The following EPRS1 variants were observed in gnomAD, a reference collection of about 807,000 sequenced individuals.
The protein encoded by EPRS1 is glutamyl-prolyl-tRNA synthetase 1.
EPRS1 carries 107 observed loss-of-function variants against 188.3 expected under a neutral mutation model. The ratio of observed to expected loss-of-function variants is 0.57; its 90% CI spans 0.49 to 0.67. The LOEUF (loss-of-function observed/expected upper bound fraction) is 0.67. EPRS1 is among the 30% of genes least tolerant of loss of function. EPRS1 has a pLI of 0.00. For missense variants in EPRS1, 1,577 were observed against 1,802.2 expected, an observed-to-expected ratio of 0.88 and a Z score of 2.26; for synonymous variants, 596 against 593.1, an observed-to-expected ratio of 1.00 and a Z score of -0.07.
chr1:219,982,339 G>A (rs148140734), intron 23 of EPRS1, among the ~76,000 whole-genome samples: 205 of 152,188 alleles, frequency 1.3e-3, no homozygotes, highest in South Asian at 4.4e-3. Flanking sequence ...CAACACTGTT[G>A]TAAGAATAAC....
chr1:220,000,720 C>T (rs1661333634), intron 17 of EPRS1, among the ~76,000 whole-genome samples: 2 of 152,118 alleles, frequency 1.3e-5, no homozygotes, highest in African/African-American at 4.8e-5. Flanking sequence ...GTGACTCATG[C>T]CTATAATCCC....
At chr1:220,042,765 C>G (rs957343305) in intron 1 of EPRS1, among the ~76,000 whole-genome samples, 20 of 151,596 alleles carry the variant, frequency 1.3e-4, no homozygotes, top group African/African-American at 4.8e-4. Flanking sequence ...ACTAAAAATA[C>G]AAAAAATTAG....
chr1:220,008,241 A>G (rs1019795348), intron 13 of EPRS1, among the ~76,000 whole-genome samples: 3 of 152,142 alleles, frequency 2.0e-5, no homozygotes, highest in Non-Finnish European at 4.4e-5. Flanking sequence ...GCAGGAAATT[A>G]TGGACCTTTC....
chr1:219,986,093 G>A (rs139039948), intron 20 of EPRS1, among the ~76,000 whole-genome samples: 18 of 152,286 alleles, frequency 1.2e-4, no homozygotes, highest in African/African-American at 3.6e-4. Context: ...GAGACATTGT[G>A]TATATGACAT....
chr1:219,975,063 A>G (rs999651138), intron 28 of EPRS1, among the ~76,000 whole-genome samples: 3 of 152,248 alleles, frequency 2.0e-5, no homozygotes, highest in Admixed American at 1.3e-4. Context: ...AATGATAATG[A>G]AAGTCTGAGG....
chr1:219,991,384 C>T (rs1019059870), intron 18 of EPRS1, among the ~76,000 whole-genome samples: 4 of 152,086 alleles, frequency 2.6e-5, no homozygotes, highest in African/African-American at 9.7e-5. Flanking sequence ...CTCACCTTTG[C>T]TCCTTACTAG....
rs560025404 is a variant in EPRS1 at position 220,021,742 on chromosome 1, C to T, written c.1115+605G>A. 2.6e-5 allele frequency among the ~76,000 whole-genome samples: 4 copies of T among 152,304 alleles called. No individual in the cohort carries two copies. The East Asian group carries it at 7.7e-4, about 29-fold the overall frequency. ...ATGAGTTTAAAGTAAGTCACATCAG[C>T]TAACCAAGTAATCATTTACATTTAC... is the stretch of plus-strand genomic sequence containing the variant. On this transcript the variant is annotated intron_variant, in intron 9 of 31. Coordinates refer to ENST00000366923, the MANE Select transcript of EPRS1 (RefSeq NM_004446.3).
chr1:219,986,904 G>A (rs886119170), intron 20 of EPRS1, among the ~76,000 whole-genome samples: 5 of 152,126 alleles, frequency 3.3e-5, no homozygotes, highest in South Asian at 2.1e-4. Flanking sequence ...GGGGAAAACC[G>A]GAAAGATGGG....
intron 17 of EPRS1, among the ~76,000 whole-genome samples, chr1:219,997,829 G>C (rs1461007246): frequency 6.6e-6 from 1 of 152,040 alleles, no homozygotes; most frequent in Non-Finnish European, 1.5e-5. Context: ...ATAAGCATTA[G>C]GTATCACTAT....
At chr1:220,007,790 C>T (rs1661520773) in intron 13 of EPRS1, among the ~76,000 whole-genome samples, 1 of 152,224 alleles carries the variant, frequency 6.6e-6, no homozygotes, top group Admixed American at 6.5e-5. Context: ...CTTCGCCGGG[C>T]ATGGTGGCTC....
intron 13 of EPRS1, among the ~76,000 whole-genome samples, chr1:220,007,930 A>G (rs1234274391): frequency 6.6e-6 from 1 of 152,018 alleles, no homozygotes; most frequent in Non-Finnish European, 1.5e-5. Flanking sequence ...ACACGGTGAA[A>G]CCCCGTCTCT....
intron 2 of EPRS1, among the ~76,000 whole-genome samples, chr1:220,038,264 T>C (rs1662225490): frequency 6.6e-6 from 1 of 151,974 alleles, no homozygotes; most frequent in Non-Finnish European, 1.5e-5. Flanking sequence ...GTATTTTTAG[T>C]AGAGATGGGG....
Position 220,019,097 on chromosome 1 carries a change from T to A in EPRS1, c.1350-18A>T. The A allele has an allele frequency of 6.5e-7, 1 of 1,540,706 alleles. No individual in the cohort carries two copies. Among genetic ancestry groups the A allele is most frequent in the Middle Eastern group, 1.7e-4 (1 of 5,914 alleles). ...GGTCATCCCTGGAAATATGTAAATT[T>A]TAAGTACCAAGGAAATTTTGTAATG... On this transcript the variant is annotated intron_variant, in intron 10 of 31. Coordinates refer to ENST00000366923, the MANE Select transcript of EPRS1 (RefSeq NM_004446.3).
intron 12 of EPRS1, among the ~76,000 whole-genome samples, chr1:220,011,693 T>C (rs1661606787): frequency 6.6e-6 from 1 of 152,232 alleles, no homozygotes; most frequent in Non-Finnish European, 1.5e-5. Context: ...CAATAAATAT[T>C]TGCAGATTGC....
At position 219,968,826 on chromosome 1, in the gene EPRS1, A is replaced by T; in HGVS notation, c.4519T>A (p.Leu1507Ile). 5 of 1,614,182 alleles carry T rather than the reference A, an allele frequency of 3.1e-6. No homozygotes were observed. Among genetic ancestry groups the T allele is most frequent in the Non-Finnish European group, 4.2e-6 (5 of 1,180,012 alleles). The change falls in exon 32 of 32, where the codon TTA (leucine) becomes ATA (isoleucine). Residue 1507 changes from leucine (L) to isoleucine (I), a missense_variant. By Grantham distance (5) the Leu-to-Ile change is conservative. Coordinates refer to ENST00000366923, the MANE Select transcript of EPRS1 (RefSeq NM_004446.3). ...CGKNPAKYYTLFGRSY is the reference protein window; with the variant it reads ...CGKNPAKYYTIFGRSY ...ATCCCTCAGTAGCTGCGACCAAATA[A>T]GGTGTAGTACTTGGCAGGGTTCTTG...
At chr1:219,973,217 T>G in intron 29 of EPRS1, 21 bp downstream of exon 29, 1 of 1,604,926 alleles carries the variant, frequency 6.2e-7, no homozygotes, top group Admixed American at 1.7e-5. Flanking sequence ...GAGAGAGACA[T>G]AAGCAATTTT....
At chr1:219,985,460 T>C (rs1660988995) in intron 20 of EPRS1, among the ~76,000 whole-genome samples, 1 of 152,178 alleles carries the variant, frequency 6.6e-6, no homozygotes, top group East Asian at 1.9e-4. Flanking sequence ...TGGTGCAATC[T>C]AGACTCACTG....
chr1:220,025,175 A>T lies in EPRS1; in HGVS notation c.707T>A (p.Phe236Tyr). ...TTCTTTTTCAGGATTTGTGTCATCAAATCTCATGATCAGTTTCCCTTTAAA... is the reference window on the plus strand; with the variant it reads ...TTCTTTTTCAGGATTTGTGTCATCATATCTCATGATCAGTTTCCCTTTAAA... ...VNFKGKLIMR[F>Y]DDTNPEKEKE... Residue 236 changes from phenylalanine to tyrosine, a missense_variant, in exon 7 of 32, where the codon TTT becomes TAT. By Grantham distance (22) the Phe-to-Tyr change is conservative. Coordinates refer to ENST00000366923, the MANE Select transcript of EPRS1 (RefSeq NM_004446.3). 6.2e-7 allele frequency: 1 copy of T among 1,613,412 alleles called. No homozygotes were observed. Among genetic ancestry groups the T allele is most frequent in the Non-Finnish European group, 8.5e-7 (1 of 1,179,482 alleles).
At chr1:220,016,711 C>CTTT (rs57900764) in intron 12 of EPRS1, among the ~76,000 whole-genome samples, 23 of 128,224 alleles carry the variant, frequency 1.8e-4, no homozygotes, top group Middle Eastern at 7.8e-3. Flanking sequence ...GAGAACCTGG[C>CTTT]TTTTTTTTTT....
Sources: allele counts gnomAD v4.1 joint callset (sites outside exome capture counted in the v4.1 genomes callset), GRCh38; gene constraint gnomAD v4.1.1; transcripts MANE v1.5; gene names NCBI Gene and HGNC (gene_info 2026-07-23, HGNC 2026-07-21).